Variants in SMTN observed in about 807,000 individuals in gnomAD.
The protein encoded by SMTN is smoothelin.
Under a neutral mutation model 102.0 loss-of-function variants are expected in SMTN, and 58 were observed. That is an observed-to-expected ratio of 0.57 (90% confidence interval 0.46 to 0.71). The LOEUF is 0.71. Ranked by LOEUF, SMTN falls within the 30% of genes least tolerant of loss-of-function variation. The probability of loss-of-function intolerance (pLI) is 0.00; values close to 1 mark genes in which losing one functional copy is unlikely to be tolerated. For missense variants in SMTN, 1,185 were observed against 1,241.7 expected, an observed-to-expected ratio of 0.95 and a Z score of 0.69; for synonymous variants, 478 against 497.9, an observed-to-expected ratio of 0.96 and a Z score of 0.53.
chr22:31,079,101 T>G (rs1398812910), upstream of SMTN, among the ~76,000 whole-genome samples: 1 of 152,204 alleles, frequency 6.6e-6, no homozygotes, highest in African/African-American at 2.4e-5. Flanking sequence ...GTACCTATCT[T>G]GCACAGTGGT....
chr22:31,095,593 C>G lies in SMTN; in HGVS notation c.1845C>G (p.Leu615=), dbSNP rs188021287. ...RKLIRAALRE[L]RQRKRDQRDK... is the part of the protein sequence containing the mutation. Reference sequence around the variant, plus strand: ...TCATCCGGGCTGCACTTCGTGAGCTCCGACAAAGGAAGAGAGGTAGAGAGC... The same window carrying G: ...TCATCCGGGCTGCACTTCGTGAGCTGCGACAAAGGAAGAGAGGTAGAGAGC... Residue 615 remains leucine, a synonymous_variant, in exon 13 of 21, where the codon CTC becomes CTG. Transcript: ENST00000333137. The surrounding 1 kb of genome is among the most constrained non-coding windows in gnomAD (Gnocchi z 4.1). 6 of 1,613,426 alleles carry G rather than the reference C, an allele frequency of 3.7e-6. No individual in the cohort carries two copies. In the East Asian group the frequency reaches 8.9e-5, roughly 24 times the overall value.
rs1023299572 is a variant in SMTN at position 31,090,320 on chromosome 22, C to A, written c.865+140C>A. The A allele has an allele frequency of 8.9e-6, 6 of 671,062 alleles. No homozygotes were observed. In the African/African-American group the frequency reaches 9.1e-5, roughly 10 times the overall value. The allele number at this position is 671,062 out of a possible 1,614,324, so 41.6% of individuals were successfully genotyped here. On this transcript the variant is annotated intron_variant, in intron 8 of 20. Coordinates refer to ENST00000333137, the MANE Select transcript of SMTN (RefSeq NM_134269.3). ...TGCAGTCCCTGATACTGCACCCCAC[C>A]CCTGAAGTGTCCCCGCCCCCAGCTA...
At chr22:31,071,392 G>A (rs1291139313) in intron 1 of SMTN, among the ~76,000 whole-genome samples, 3 of 152,124 alleles carry the variant, frequency 2.0e-5, no homozygotes, top group African/African-American at 7.2e-5. Flanking sequence ...TAGCACTTCG[G>A]GAGGCTGAGG....
At chr22:31,093,796 G>A (rs991625536) in intron 11 of SMTN, 2 of 1,594,112 alleles carry the variant, frequency 1.3e-6, no homozygotes, top group Admixed American at 1.7e-5. Flanking sequence ...TGCCGAGGAT[G>A]CCGGGACCCC....
intron 2 of SMTN, 173 bp downstream of exon 2, chr22:31,083,482 G>A: frequency 4.0e-6 from 3 of 758,088 alleles, no homozygotes; most frequent in Non-Finnish European, 6.2e-6. Context: ...GGCCCTTGTG[G>A]CATGTGCCTG....
intron 13 of SMTN, 77 bp from the exon 14 acceptor site, chr22:31,096,656 G>A (rs1452695390): frequency 2.1e-6 from 3 of 1,435,544 alleles, no homozygotes; most frequent in Non-Finnish European, 2.8e-6. Context: ...CGTCTTGTGT[G>A]CCCCATGCAC....
At chr22:31,068,240 A>G (rs5753449) in intron 1 of SMTN, 134,456 of 151,614 alleles carry the variant, frequency 0.89, 59,928 homozygotes, top group East Asian at 0.99. Flanking sequence ...GGAGGCGGAG[A>G]TTGCAGTCAG....
At chr22:31,082,634 G>A in intron 1 of SMTN, 1 of 607,794 alleles carries the variant, frequency 1.6e-6, no homozygotes, top group Non-Finnish European at 3.2e-6. Context: ...GCTTCAGGAG[G>A]TCTGGACAGC....
At chr22:31,085,879 G>A (rs538486643) in intron 2 of SMTN, among the ~76,000 whole-genome samples, 7 of 152,342 alleles carry the variant, frequency 4.6e-5, no homozygotes, top group Middle Eastern at 3.4e-3. Context: ...CTGAAGCTCC[G>A]GGGGTTGTGC....
intron 20 of SMTN, chr22:31,103,958 T>A (rs145302881): frequency 3.7e-6 from 1 of 269,418 alleles, no homozygotes; most frequent in African/African-American, 2.1e-5. Flanking sequence ...TTCTACCAAC[T>A]GGAGTGTGCC....
Position 31,091,145 on chromosome 22 carries a change from T to G in SMTN, c.1122T>G (p.Pro374=). Residue 374 remains proline, a synonymous_variant, in exon 10 of 21, where the codon CCT becomes CCG. Coordinates refer to ENST00000333137, the MANE Select transcript of SMTN (RefSeq NM_134269.3). ...GCCCCTCCCTCACCAGCACCACCCC[T>G]GCCTCCTCCTCCAGCGGCTCCTCCT... ...LLGPSLTSTT[P]ASSSSGSSSR... 2 of 1,613,792 alleles carry G rather than the reference T, an allele frequency of 1.2e-6. No individual in the cohort carries two copies. The highest frequency in any genetic ancestry group is 1.1e-5 in the South Asian group (1 of 91,058).
Position 31,097,349 on chromosome 22 carries a change from G to A in SMTN, c.2159+11G>A. On this transcript the variant is annotated intron_variant, in intron 16 of 20. Transcript: ENST00000333137. ...CAAGAAGATGGGCAGGTGAGCACCAGCACCCAATCCCTGACCATAGAGGAG... is the reference window on the plus strand; with the variant it reads ...CAAGAAGATGGGCAGGTGAGCACCAACACCCAATCCCTGACCATAGAGGAG... 1 of 1,612,836 alleles carries A rather than the reference G, an allele frequency of 6.2e-7. No homozygotes were observed.
chr22:31,097,715 G>GATAAATAAATAA (rs56931006), intron 16 of SMTN, among the ~76,000 whole-genome samples: 21 of 145,794 alleles, frequency 1.4e-4, no homozygotes, highest in African/African-American at 3.6e-4. Context: ...AAAATAAATA[G>GATAAATAAATAA]ATAAATAAAT....
At chr22:31,076,873 G>C (rs768009961), upstream of SMTN, among the ~76,000 whole-genome samples, 49 of 152,268 alleles carry the variant, frequency 3.2e-4, no homozygotes, top group Admixed American at 9.2e-4. Context: ...CTGGACTCTG[G>C]AGCCAAAATA....
chr22:31,103,952 A>C (rs929130425), intron 20 of SMTN: 5 of 251,722 alleles, frequency 2.0e-5, no homozygotes, highest in Non-Finnish European at 3.9e-5. Context: ...AGAGGCTTCT[A>C]CCAACTGGAG....
chr22:31,090,291 TC>T, intron 8 of SMTN, 111 bp downstream of exon 8: 1 of 818,804 alleles, frequency 1.2e-6, no homozygotes, highest in Non-Finnish European at 1.9e-6. Flanking sequence ...CTTCCTCAGG[TC>T]CATGCAGTCC....
rs114015937 is a variant in SMTN, at chr22:31,091,807, G to A, written c.1592G>A (p.Ser531Asn). 3 of 1,605,494 alleles carry A rather than the reference G, an allele frequency of 1.9e-6. No individual in the cohort carries two copies. In the African/African-American group the frequency reaches 4.0e-5, roughly 21 times the overall value. ...AGTGTCACTCATGTCACCAGCTTCA[G>A]CCATGCCCCCCCCAGTAGCCGAGGA... Reference protein sequence around the residue: ...LGSVTHVTSFSHAPPSSRGGC... With the variant: ...LGSVTHVTSFNHAPPSSRGGC... The change falls in exon 11 of 21, where the codon AGC becomes AAC. Residue 531 changes from serine to asparagine, a missense_variant. This residue lies in a region of SMTN where 1,096 missense variants were observed against 1,112.7 expected (regional missense o/e 0.98). Transcript: ENST00000333137.
At position 31,088,782 on chromosome 22, in the gene SMTN, G is replaced by A. The variant is rs2042900628; in HGVS notation, c.373+5G>A. On this transcript the variant is annotated splice_donor_5th_base_variant and intron_variant, in intron 5 of 20. Coordinates refer to ENST00000333137, the MANE Select transcript of SMTN (RefSeq NM_134269.3). ...TACGGGCTCAGGAGATTGAGGGTAT[G>A]TGGCCTGTCCCGGCCCCACCCCTGC... The A allele has an allele frequency of 1.9e-6, 3 of 1,612,196 alleles. No individual in the cohort carries two copies. In the South Asian group the frequency reaches 3.3e-5, roughly 18 times the overall value.
Position 31,088,826 on chromosome 22 carries a change from C to T in SMTN, c.374-46C>T, listed in dbSNP as rs759269814. On this transcript the variant is annotated intron_variant, in intron 5 of 20. Coordinates refer to ENST00000333137, the MANE Select transcript of SMTN (RefSeq NM_134269.3). ...CCCCTGCCCTGCTGTCTGCTGTCCA[C>T]AGCACCTCCCTGTCACTCACCTGCC... is the stretch of plus-strand genomic sequence containing the variant. 1.9e-6 allele frequency: 3 copies of T among 1,611,424 alleles called. No homozygotes were observed. The South Asian group carries it at 3.3e-5, about 18-fold the overall frequency.
Sources: gnomAD v4.1 joint callset for allele counts (sites outside exome capture counted in the v4.1 genomes callset) on GRCh38, gnomAD v4.1.1 for gene constraint, gnomAD v4.1.1 regional missense constraint, Gnocchi (gnomAD v3.1) non-coding constraint, MANE v1.5 for transcripts, NCBI Gene and HGNC (gene_info 2026-07-23, HGNC 2026-07-21) for gene names.